ZNF366: variants seen among roughly 807,000 people sequenced by gnomAD.
The protein encoded by ZNF366 is dendritic cell-specific transcript protein.
ZNF366 carries 20 observed loss-of-function variants against 47.2 expected under a neutral mutation model. The ratio of observed to expected loss-of-function variants is 0.42; its 90% CI spans 0.30 to 0.62. ZNF366 has a LOEUF of 0.62. Ranked by LOEUF, ZNF366 falls within the 20% of genes least tolerant of loss-of-function variation. ZNF366 has a pLI of 0.16. For synonymous variants in ZNF366, 421 were observed against 395.1 expected (o/e 1.07, Z -0.78); for missense variants, 987 against 976.3 (o/e 1.01, Z -0.15).
intron 1 of ZNF366, among the ~76,000 whole-genome samples, chr5:72,476,155 C>G (rs968194571): frequency 6.6e-6 from 1 of 151,990 alleles, no homozygotes; most frequent in African/African-American, 2.4e-5. Flanking sequence ...AGGTACCTGG[C>G]CTGTGTTCAC....
rs539161937 is a variant in ZNF366, at chr5:72,448,647, G to A, written c.1525-1230C>T. Among the ~76,000 whole-genome samples, 8 of 152,256 alleles carry A rather than the reference G, an allele frequency of 5.3e-5. No individual in the cohort carries two copies. In the South Asian group the frequency reaches 1.0e-3, roughly 20 times the overall value. ...TGAGAGAGGCCACAGAGACACTCAGGGTGAGGCATCCTCTGAGGCTTACAC... is the reference window on the plus strand; with the variant it reads ...TGAGAGAGGCCACAGAGACACTCAGAGTGAGGCATCCTCTGAGGCTTACAC... On this transcript the variant is annotated intron_variant, in intron 3 of 4. Transcript: ENST00000318442.
Position 72,442,496 on chromosome 5 carries a change from A to G in ZNF366, c.*1260T>C, listed in dbSNP as rs1742874223. The G allele has an allele frequency of 1.3e-5, 2 of 152,028 alleles. No individual in the cohort carries two copies. Among genetic ancestry groups the G allele is most frequent in the Admixed American group, 6.6e-5 (1 of 15,250 alleles). 9.4% of individuals were successfully genotyped at this position (152,028 alleles called of 1,614,324 possible). A position where few individuals can be genotyped will look rare whatever the true frequency, so the allele number is the denominator to read the frequency against. ...AGCCAGCACTGAAAACACAGTCCAG[A>G]GTCTTCTTTACTAATGATTTGCTGT... On this transcript the variant is annotated 3_prime_UTR_variant, in exon 5 of 5. Coordinates refer to ENST00000318442, the MANE Select transcript of ZNF366 (RefSeq NM_152625.3).
intron 1 of ZNF366, among the ~76,000 whole-genome samples, chr5:72,498,916 C>T (rs1580255838): frequency 6.6e-6 from 1 of 152,168 alleles, no homozygotes; most frequent in East Asian, 1.9e-4. Flanking sequence ...ATTTTCTCAC[C>T]ATTAAATGTC....
chr5:72,452,831 T>G (rs1286277771), intron 3 of ZNF366, among the ~76,000 whole-genome samples: 2 of 152,194 alleles, frequency 1.3e-5, no homozygotes, highest in African/African-American at 2.4e-5. Flanking sequence ...GTTATGGAGT[T>G]TGGCCACTAC....
At chr5:72,499,822 G>A (rs575799886) in intron 1 of ZNF366, among the ~76,000 whole-genome samples, 73 of 152,250 alleles carry the variant, frequency 4.8e-4, no homozygotes, top group African/African-American at 1.3e-3. Flanking sequence ...TTCCATGGAA[G>A]GTGGCCAGAG....
At chr5:72,454,514 G>A (rs1218098649) in intron 3 of ZNF366, among the ~76,000 whole-genome samples, 1 of 152,168 alleles carries the variant, frequency 6.6e-6, no homozygotes, top group African/African-American at 2.4e-5. Context: ...TTTCTGCCTG[G>A]TTTTACCACT....
At chr5:72,491,706 TG>T (rs1255360160) in intron 1 of ZNF366, among the ~76,000 whole-genome samples, 4 of 152,180 alleles carry the variant, frequency 2.6e-5, no homozygotes, top group Admixed American at 1.3e-4. Context: ...CTAACAACAC[TG>T]GTAAGAAGGT....
intron 1 of ZNF366, among the ~76,000 whole-genome samples, chr5:72,490,073 C>T (rs917674266): frequency 9.2e-5 from 14 of 152,220 alleles, no homozygotes; most frequent in African/African-American, 3.4e-4. Flanking sequence ...TGAGCTTGAG[C>T]TTCCTCCTTG....
At chr5:72,444,364 G>A in intron 4 of ZNF366, 73 bp from the exon 5 acceptor site, 1 of 1,505,122 alleles carries the variant, frequency 6.6e-7, no homozygotes, top group South Asian at 1.3e-5. Flanking sequence ...AAGGGGAGCA[G>A]CCCGGGGCCG....
At position 72,443,502 on chromosome 5, in the gene ZNF366, A is replaced by G. The variant is rs1742896077; in HGVS notation, c.*254T>C. On this transcript the variant is annotated 3_prime_UTR_variant, in exon 5 of 5. Transcript: ENST00000318442. ...CAGCTTACAATTAGATATCTGGAAG[A>G]ATACTCACAGTTTATTATACTGGCA... is the stretch of plus-strand genomic sequence containing the variant. 1 of 405,516 alleles carries G rather than the reference A, an allele frequency of 2.5e-6. No individual in the cohort carries two copies. Among genetic ancestry groups the G allele is most frequent in the Non-Finnish European group, 4.4e-6 (1 of 228,264 alleles). 25.1% of individuals were successfully genotyped at this position (405,516 alleles called of 1,614,324 possible).
At chr5:72,499,945 G>A (rs1744181539) in intron 1 of ZNF366, among the ~76,000 whole-genome samples, 1 of 152,128 alleles carries the variant, frequency 6.6e-6, no homozygotes, top group Non-Finnish European at 1.5e-5. Context: ...CTCTTCCGGC[G>A]CTGCTTCCTT....
At chr5:72,504,171 C>T (rs770001341) in intron 1 of ZNF366, among the ~76,000 whole-genome samples, 11 of 152,118 alleles carry the variant, frequency 7.2e-5, no homozygotes, top group Non-Finnish European at 1.2e-4. Flanking sequence ...GTGAGTGGCT[C>T]ACTGTTACAA....
intron 1 of ZNF366, among the ~76,000 whole-genome samples, chr5:72,484,399 G>A (rs971763290): frequency 4.7e-5 from 7 of 149,092 alleles, no homozygotes; most frequent in Non-Finnish European, 9.0e-5. Flanking sequence ...CAGGAGAATG[G>A]CGTGAACCCG....
chr5:72,440,886 A>G lies in ZNF366; in HGVS notation c.*2870T>C, dbSNP rs553257199. The G allele has an allele frequency of 2.2e-4, 34 of 152,310 alleles. No individual in the cohort carries two copies. Among genetic ancestry groups the G allele is most frequent in the African/African-American group, 7.5e-4 (31 of 41,548 alleles). 9.4% of individuals were successfully genotyped at this position (152,310 alleles called of 1,614,324 possible). A position where few individuals can be genotyped will look rare whatever the true frequency, so the allele number is the denominator to read the frequency against. On this transcript the variant is annotated 3_prime_UTR_variant, in exon 5 of 5. Coordinates refer to ENST00000318442, the MANE Select transcript of ZNF366 (RefSeq NM_152625.3). ...AAGTGTCTTATGCCCAGAGTCAACA[A>G]CTAAAAACAGGCCCTGGAATACACT... is the stretch of plus-strand genomic sequence containing the variant.
intron 2 of ZNF366, among the ~76,000 whole-genome samples, chr5:72,459,105 C>T (rs921326485): frequency 1.4e-4 from 21 of 152,144 alleles, no homozygotes; most frequent in African/African-American, 5.1e-4. Context: ...TTGTGCAGAG[C>T]CCACAAGGCA....
chr5:72,502,514 GAAC>G (rs1374692695), intron 1 of ZNF366, among the ~76,000 whole-genome samples: 1 of 152,092 alleles, frequency 6.6e-6, no homozygotes, highest in African/African-American at 2.4e-5. Context: ...AGGAAATTTA[GAAC>G]AACTTTTTCT....
rs573438610 is a variant in ZNF366 at position 72,485,064 on chromosome 5, G to A, written c.-15+22187C>T. On this transcript the variant is annotated intron_variant, in intron 1 of 4. Transcript: ENST00000318442. ...ATCAAATTCAGTTGACCTGGATAGA[G>A]GTACGCTGTACATGTAAAATGCACA... Among the ~76,000 whole-genome samples, 7 of 152,180 alleles carry A rather than the reference G, an allele frequency of 4.6e-5. No individual in the cohort carries two copies. The South Asian group carries it at 1.5e-3, about 32-fold the overall frequency.
At chr5:72,448,224 G>A (rs1742996904) in intron 3 of ZNF366, among the ~76,000 whole-genome samples, 1 of 146,998 alleles carries the variant, frequency 6.8e-6, no homozygotes, top group South Asian at 2.3e-4. Flanking sequence ...TCTCTGGGTA[G>A]AAATTTGAAG....
intron 2 of ZNF366, among the ~76,000 whole-genome samples, chr5:72,457,189 C>CGAAG (rs1370012300): frequency 1.3e-5 from 2 of 152,150 alleles, no homozygotes; most frequent in African/African-American, 4.8e-5. Flanking sequence ...TGGAGCCTTC[C>CGAAG]CTAAGCCAGC....
Sources: allele counts gnomAD v4.1 joint callset (sites outside exome capture counted in the v4.1 genomes callset), GRCh38; gene constraint gnomAD v4.1.1; transcripts MANE v1.5; gene names NCBI Gene and HGNC (gene_info 2026-07-23, HGNC 2026-07-21).